The following CDCA5 variants were observed in gnomAD, a reference collection of about 807,000 sequenced individuals.
CDCA5 encodes the protein cell division cycle associated 5.
Under a neutral mutation model 25.7 loss-of-function variants are expected in CDCA5, and 14 were observed. The observed-to-expected ratio is 0.54, with a 90% CI of 0.36 to 0.85. The LOEUF is 0.85. Among genes scored for constraint, CDCA5 ranks in the 40% least tolerant of loss-of-function variants. CDCA5 has a pLI of 0.01. For missense variants in CDCA5, 307 were observed against 324.5 expected, an observed-to-expected ratio of 0.95 and a Z score of 0.41; for synonymous variants, 127 against 128.7, an observed-to-expected ratio of 0.99 and a Z score of 0.09.
At chr11:65,064,387 T>C (rs541121508), downstream of CDCA5, among the ~76,000 whole-genome samples, 2 of 135,520 alleles carry the variant, frequency 1.5e-5, no homozygotes, top group East Asian at 2.1e-4. Context: ...CACTGCACTG[T>C]AGCGTGGGCG....
rs1947632110 is a variant in CDCA5 at position 65,083,878 on chromosome 11, G to A, written c.46+55C>T. The A allele has an allele frequency of 3.1e-6, 5 of 1,606,780 alleles. No homozygotes were observed. The Admixed American group carries it at 6.7e-5, about 21-fold the overall frequency. On this transcript the variant is annotated intron_variant, in intron 1 of 5. Transcript: ENST00000275517. ...GGGAGGGAAGAGGCCATCTTTCACC[G>A]GACTGCGTCCCCCAAACGGCTCGAC...
chr11:65,080,126 G>A (rs955781184), intron 4 of CDCA5, among the ~76,000 whole-genome samples: 3 of 152,090 alleles, frequency 2.0e-5, no homozygotes, highest in Non-Finnish European at 4.4e-5. Context: ...TCCTGACCTC[G>A]TGATCCGCCC....
rs1947471824 is a variant in CDCA5 at position 65,077,580 on chromosome 11, G to GT, written c.*1526dup. On this transcript the variant is annotated 3_prime_UTR_variant, in exon 6 of 6. Coordinates refer to ENST00000275517, the MANE Select transcript of CDCA5 (RefSeq NM_080668.4). Reference sequence around the variant, plus strand: ...GATGATCTCAACTCTGCATCATCTGGTGACTCCTGATTCTGCAGGACTAAG... The same window carrying GT: ...GATGATCTCAACTCTGCATCATCTGGTTGACTCCTGATTCTGCAGGACTAAG... The GT allele has an allele frequency of 1.0e-6, 1 of 985,310 alleles. No homozygotes were observed. Among genetic ancestry groups the GT allele is most frequent in the Admixed American group, 6.1e-5 (1 of 16,264 alleles). 61.0% of individuals were successfully genotyped at this position (985,310 alleles called of 1,614,324 possible).
chr11:65,071,967 C>G (rs186628599), intron 1 of CDCA5, among the ~76,000 whole-genome samples: 10 of 152,324 alleles, frequency 6.6e-5, no homozygotes, highest in Admixed American at 6.5e-4. Flanking sequence ...TTCAACTCCA[C>G]AAATATTGAC....
At chr11:65,079,249 AC>A in intron 5 of CDCA5, 62 bp from the exon 6 acceptor site, 1 of 1,595,266 alleles carries the variant, frequency 6.3e-7, no homozygotes, top group Non-Finnish European at 8.5e-7. Flanking sequence ...GGAGCATCTC[AC>A]CCACACCCTG....
At chr11:65,082,459 CTTTTTTTTTT>C (rs35061489) in intron 4 of CDCA5, among the ~76,000 whole-genome samples, 1 of 103,088 alleles carries the variant, frequency 9.7e-6, no homozygotes, top group Non-Finnish European at 2.0e-5. Flanking sequence ...ACCTACTTGT[CTTTTTTTTTT>C]TTTTTTTTTT....
At chr11:65,066,429 T>A (rs1315685352) in exon 7 of CDCA5, 1 of 1,265,638 alleles carries the variant, frequency 7.9e-7, no homozygotes, top group South Asian at 1.3e-5. Context: ...GTGGGGCAGG[T>A]CAGGCAGCTT....
downstream of CDCA5, among the ~76,000 whole-genome samples, chr11:65,076,356 C>A (rs1947445355): frequency 6.6e-6 from 1 of 152,162 alleles, no homozygotes; most frequent in Admixed American, 6.5e-5. Context: ...CTCAAGTGAT[C>A]CTCCTGCCTC....
At chr11:65,073,349 G>C, downstream of CDCA5, among the ~76,000 whole-genome samples, 1 of 152,162 alleles carries the variant, frequency 6.6e-6, no homozygotes, top group East Asian at 1.9e-4. Flanking sequence ...CATTTGCCTG[G>C]GATCACACAG....
Position 65,079,709 on chromosome 11 carries a change from C to A in CDCA5, c.322G>T (p.Val108Phe), listed in dbSNP as rs764770497. The A allele has an allele frequency of 4.5e-6, 7 of 1,555,478 alleles. No individual in the cohort carries two copies. Among genetic ancestry groups the A allele is most frequent in the Middle Eastern group, 1.7e-4 (1 of 5,820 alleles). ...TKEDLFKTHS[V>F]PATPTSTPVP... ...GGAGTGCTGGTGGGGGTGGCAGGGACGCTGTGTGTCTTGAAAAGGTCCTCC... is the reference window on the plus strand; with the variant it reads ...GGAGTGCTGGTGGGGGTGGCAGGGAAGCTGTGTGTCTTGAAAAGGTCCTCC... Residue 108 changes from valine (V) to phenylalanine (F), a missense_variant, in exon 5 of 6, where the codon GTC becomes TTC. Transcript: ENST00000275517.
Position 65,077,571 on chromosome 11 carries a change from C to T in CDCA5, c.*1536G>A. The T allele has an allele frequency of 1.0e-6, 1 of 985,416 alleles. No homozygotes were observed. Among genetic ancestry groups the T allele is most frequent in the South Asian group, 4.7e-5 (1 of 21,288 alleles). 61.0% of individuals were successfully genotyped at this position (985,416 alleles called of 1,614,324 possible). A position where few individuals can be genotyped will look rare whatever the true frequency, so the allele number is the denominator to read the frequency against. ...CTTTGCAATGATGATCTCAACTCTGCATCATCTGGTGACTCCTGATTCTGC... is the reference window on the plus strand; with the variant it reads ...CTTTGCAATGATGATCTCAACTCTGTATCATCTGGTGACTCCTGATTCTGC... On this transcript the variant is annotated 3_prime_UTR_variant, in exon 6 of 6. Transcript: ENST00000275517.
chr11:65,071,185 G>A (rs1185543621), intron 1 of CDCA5, among the ~76,000 whole-genome samples: 1 of 151,684 alleles, frequency 6.6e-6, no homozygotes, highest in Non-Finnish European at 1.5e-5. Flanking sequence ...CTCATGATCT[G>A]CCCGCCTTGG....
chr11:65,080,903 G>T (rs1252687236), intron 4 of CDCA5, among the ~76,000 whole-genome samples: 1 of 152,182 alleles, frequency 6.6e-6, no homozygotes, highest in East Asian at 1.9e-4. Flanking sequence ...AGAGTGCTTG[G>T]GGCAGGTTAG....
downstream of CDCA5, among the ~76,000 whole-genome samples, chr11:65,063,925 T>C (rs1469557867): frequency 6.6e-6 from 1 of 152,180 alleles, no homozygotes; most frequent in East Asian, 1.9e-4. Flanking sequence ...CAGGAGTGGC[T>C]GCAGGGACTG....
In CDCA5 at chr11:65,083,369, G is replaced by A; in HGVS notation, c.238C>T (p.Pro80Ser). ...VPAVQSPRRS[P>S]RISFFLEKEN... ...GTAGATGAAAGTGAACTCACCCTAG[G>A]GCTCCTGCGAGGTGATTGGACAGCT... The change falls in exon 4 of 6, where the codon CCT (proline) becomes TCT (serine). Residue 80 changes from proline to serine, a missense_variant. Physicochemically the swap from Pro to Ser is moderately conservative, Grantham distance 74 (BLOSUM62 -1). Transcript: ENST00000275517. 6.2e-7 allele frequency: 1 copy of A among 1,614,152 alleles called. No homozygotes were observed. Among genetic ancestry groups the A allele is most frequent in the South Asian group, 1.1e-5 (1 of 91,078 alleles).
intron 4 of CDCA5, among the ~76,000 whole-genome samples, chr11:65,083,020 T>A (rs151298110): frequency 6.6e-6 from 1 of 152,298 alleles, no homozygotes; most frequent in East Asian, 1.9e-4. Flanking sequence ...TAATAACTTC[T>A]GCTAAAACTG....
rs748413490 is a variant in CDCA5 at position 65,083,456 on chromosome 11, C to A, written c.207+29G>T. 4 of 1,614,200 alleles carry A rather than the reference C, an allele frequency of 2.5e-6. No individual in the cohort carries two copies. The Admixed American group carries it at 6.7e-5, about 27-fold the overall frequency. ...CTGGTCCCCAGTTTTGCCCGCCTAA[C>A]CACCCACAACACTCTCCTTAGCCTT... On this transcript the variant is annotated intron_variant, in intron 3 of 5. Coordinates refer to ENST00000275517, the MANE Select transcript of CDCA5 (RefSeq NM_080668.4).
intron 1 of CDCA5, among the ~76,000 whole-genome samples, chr11:65,071,723 T>G (rs958913326): frequency 1.3e-5 from 2 of 152,224 alleles, no homozygotes; most frequent in Non-Finnish European, 2.9e-5. Context: ...CAGAGGACAC[T>G]GGGAGGCATG....
intron 4 of CDCA5, chr11:65,067,008 G>C (rs1395405554): frequency 1.8e-6 from 1 of 550,754 alleles, no homozygotes; most frequent in Non-Finnish European, 3.1e-6. Flanking sequence ...TTCAGTAAGA[G>C]CCCAGTCTTC....
Sources: allele counts gnomAD v4.1 joint callset (sites outside exome capture counted in the v4.1 genomes callset), GRCh38; gene constraint gnomAD v4.1.1; transcripts MANE v1.5; gene names NCBI Gene and HGNC (gene_info 2026-07-23, HGNC 2026-07-21).